Variants in RAD17 observed in about 807,000 individuals in gnomAD.
RAD17 encodes the protein cell cycle checkpoint protein RAD17.
Under a neutral mutation model 81.5 loss-of-function variants are expected in RAD17, and 31 were observed. The ratio of observed to expected loss-of-function variants is 0.38; its 90% CI spans 0.29 to 0.51. The LOEUF (loss-of-function observed/expected upper bound fraction) is 0.51. Among genes scored for constraint, RAD17 ranks in the 20% least tolerant of loss-of-function variants. RAD17 has a pLI of 0.88. For synonymous variants in RAD17, 261 were observed against 266.2 expected (o/e 0.98, Z 0.19); for missense variants, 681 against 781.2 (o/e 0.87, Z 1.53).
At chr5:69,386,126 A>G (rs1458948965) in intron 9 of RAD17, 31 bp downstream of exon 9, 2 of 1,600,524 alleles carry the variant, frequency 1.2e-6, no homozygotes, top group East Asian at 2.2e-5. Flanking sequence ...CTAAAACTCC[A>G]AATTAAATGA....
chr5:69,373,686 ATTTTTTTTTTTT>A (rs56385833), intron 4 of RAD17, 132 bp from the exon 5 acceptor site: 19 of 251,924 alleles, frequency 7.5e-5, no homozygotes, highest in East Asian at 3.0e-4. Context: ...TCTCAAAAAA[ATTTTTTTTTTTT>A]TTTTTTTTTT....
rs1400615844 is a variant in RAD17 at position 69,414,513 on chromosome 5, CTG to C, written c.*224_*225del. ...TTAATTTTTTCGGTATTTATTAAAT[CTG>C]TGAGTGGTTTAAGGAGCGGTCAGTG... On this transcript the variant is annotated 3_prime_UTR_variant, in exon 19 of 19. Coordinates refer to ENST00000354868, the MANE Select transcript of RAD17 (RefSeq NM_133338.3). The C allele has an allele frequency of 6.4e-6, 4 of 623,710 alleles. No homozygotes were observed. The highest frequency in any genetic ancestry group is 5.5e-5 in the African/African-American group (3 of 54,398). 38.6% of individuals were successfully genotyped at this position (623,710 alleles called of 1,614,324 possible). A position where few individuals can be genotyped will look rare whatever the true frequency, so the allele number is the denominator to read the frequency against.
chr5:69,412,741 C>T (rs1766085356), intron 18 of RAD17, among the ~76,000 whole-genome samples: 1 of 152,130 alleles, frequency 6.6e-6, no homozygotes, highest in African/African-American at 2.4e-5. Flanking sequence ...GTAATCCCAG[C>T]ACTTTGGGAG....
In RAD17 at chr5:69,410,497, G is replaced by C. The variant is rs1234241615; in HGVS notation, c.1698G>C (p.Gln566His). The C allele has an allele frequency of 1.2e-6, 2 of 1,612,032 alleles. No individual in the cohort carries two copies. The highest frequency in any genetic ancestry group is 1.7e-5 in the Admixed American group (1 of 59,830). The change falls in exon 18 of 19, where the codon CAG becomes CAC. Residue 566 changes from glutamine to histidine, a missense_variant. Coordinates refer to ENST00000354868, the MANE Select transcript of RAD17 (RefSeq NM_133338.3). The part of the protein sequence containing the change: ...LLTIPMRNQA[Q>H]ISFIQDIGRL... Reference sequence around the variant, plus strand: ...CTTTTAAAAAATCTGTTTCAGCTCAGATTTCTTTTATCCAAGATATTGGAA... The same window carrying C: ...CTTTTAAAAAATCTGTTTCAGCTCACATTTCTTTTATCCAAGATATTGGAA...
intron 17 of RAD17, among the ~76,000 whole-genome samples, chr5:69,408,685 A>G (rs973210325): frequency 2.0e-5 from 3 of 151,388 alleles, no homozygotes; most frequent in African/African-American, 4.9e-5. Flanking sequence ...TAATTTTTCT[A>G]TTTTTAGTAG....
At chr5:69,408,023 G>T (rs1223921106) in intron 17 of RAD17, among the ~76,000 whole-genome samples, 2 of 152,006 alleles carry the variant, frequency 1.3e-5, no homozygotes, top group Non-Finnish European at 2.9e-5. Flanking sequence ...TTACAGCTTT[G>T]TTTACTACTT....
intron 18 of RAD17, 93 bp from the exon 19 acceptor site, chr5:69,413,938 A>G: frequency 3.4e-6 from 5 of 1,460,408 alleles, no homozygotes; most frequent in Non-Finnish European, 4.6e-6. Context: ...ATGTAGGTAA[A>G]TGAAAGATGG....
chr5:69,394,725 G>T (rs756614676), intron 15 of RAD17, among the ~76,000 whole-genome samples: 2 of 152,138 alleles, frequency 1.3e-5, no homozygotes, highest in Non-Finnish European at 2.9e-5. Context: ...CGTTCTGTTG[G>T]ACGACACTAT....
intron 17 of RAD17, among the ~76,000 whole-genome samples, chr5:69,405,360 A>G (rs1336146850): frequency 6.6e-6 from 1 of 151,428 alleles, no homozygotes; most frequent in Non-Finnish European, 1.5e-5. Flanking sequence ...CACAAAAAAA[A>G]AAAACACCAA....
At chr5:69,389,872 G>A (rs1237494285) in intron 12 of RAD17, among the ~76,000 whole-genome samples, 5 of 152,212 alleles carry the variant, frequency 3.3e-5, no homozygotes, top group Admixed American at 6.5e-5. Flanking sequence ...TCCTGACCTC[G>A]TGATCCGCCC....
intron 12 of RAD17, among the ~76,000 whole-genome samples, chr5:69,390,952 CAAAA>C (rs66906488): frequency 7.0e-6 from 1 of 142,878 alleles, no homozygotes. Flanking sequence ...GACCCTGTGT[CAAAA>C]AAAAAAAAAG....
chr5:69,378,881 G>A (rs1432441413), intron 6 of RAD17, among the ~76,000 whole-genome samples: 2 of 152,164 alleles, frequency 1.3e-5, no homozygotes, highest in South Asian at 2.1e-4. Flanking sequence ...ATTGAATACT[G>A]TAGGCAATTA....
intron 15 of RAD17, among the ~76,000 whole-genome samples, chr5:69,393,742 G>C (rs1187537867): frequency 2.0e-5 from 3 of 150,320 alleles, no homozygotes; most frequent in Admixed American, 6.7e-5. Context: ...TTTTTTTTCT[G>C]TGTGTGTGTG....
intron 17 of RAD17, among the ~76,000 whole-genome samples, chr5:69,405,225 C>T (rs147372601): frequency 1.3e-5 from 2 of 152,106 alleles, no homozygotes; most frequent in African/African-American, 2.4e-5. Context: ...GAAAATAGGC[C>T]GGGCGCAGTG....
chr5:69,400,113 T>A lies in RAD17; in HGVS notation c.1637T>A (p.Leu546His), dbSNP rs1045051. The A allele has an allele frequency of 3.7e-6, 6 of 1,600,892 alleles. No homozygotes were observed. The highest frequency in any genetic ancestry group is 1.3e-5 in the African/African-American group (1 of 74,722). The change falls in exon 17 of 19, where the codon CTC becomes CAC. Residue 546 changes from leucine to histidine, a missense_variant. Leu to His is a moderately conservative substitution (Grantham distance 99). Coordinates refer to ENST00000354868, the MANE Select transcript of RAD17 (RefSeq NM_133338.3). ...GACTTCTGCCTACCAGCTTTATGCC[T>A]CCAAACTCAGCTATTGCCATACCTT... is the stretch of plus-strand genomic sequence containing the variant. ...FPDFCLPALC[L>H]QTQLLPYLAL...
upstream of RAD17, chr5:69,369,481 G>A: frequency 6.2e-7 from 1 of 1,611,304 alleles, no homozygotes; most frequent in Non-Finnish European, 8.5e-7. Context: ...AGGATGTTCG[G>A]AAGCAACATG....
chr5:69,373,000 A>G (rs974818954), intron 4 of RAD17, among the ~76,000 whole-genome samples: 2 of 152,232 alleles, frequency 1.3e-5, no homozygotes, highest in African/African-American at 2.4e-5. Context: ...GAAGAAAAAT[A>G]TAATCCAGTC....
rs182839323 is a variant in RAD17 at position 69,380,434 on chromosome 5, A to G, written c.352-1467A>G. Among the ~76,000 whole-genome samples the G allele has an allele frequency of 6.0e-4, 92 of 152,252 alleles. 2 individuals carry two copies. Among genetic ancestry groups the G allele is most frequent in the Admixed American group, 1.7e-3 (26 of 15,272 alleles). Reference sequence around the variant, plus strand: ...ATAATTTTATGAGACTACTGTTTATATGTGGTTCATCATTGACTGAAAGTT... The same window carrying G: ...ATAATTTTATGAGACTACTGTTTATGTGTGGTTCATCATTGACTGAAAGTT... On this transcript the variant is annotated intron_variant, in intron 6 of 18. Transcript: ENST00000354868.
rs1554037959 is a variant in RAD17 at position 69,373,833 on chromosome 5, A to C, written c.13A>C (p.Thr5Pro). The change falls in exon 5 of 19, where the codon ACA (threonine) becomes CCA (proline). Residue 5 changes from threonine (T) to proline (P), a missense_variant. Transcript: ENST00000354868. MNQV[T>P]DWVDPSFDDF... ...ACATGATTTCTTTTTTTTTCAGGTA[A>C]CAGACTGGGTTGACCCATCATTTGA... The C allele has an allele frequency of 6.3e-7, 1 of 1,597,250 alleles. No individual in the cohort carries two copies.
Sources: gnomAD v4.1 joint callset for allele counts (sites outside exome capture counted in the v4.1 genomes callset) on GRCh38, gnomAD v4.1.1 for gene constraint, MANE v1.5 for transcripts, NCBI Gene and HGNC (gene_info 2026-07-23, HGNC 2026-07-21) for gene names.